Variants in PPP1R12A observed in about 807,000 individuals in gnomAD.
The protein encoded by PPP1R12A is protein phosphatase 1 regulatory subunit 12A.
In PPP1R12A, 19 loss-of-function variants were observed where a neutral mutation model predicts 139.6. That is an observed-to-expected ratio of 0.14 (90% CI 0.09 to 0.20). The LOEUF (loss-of-function observed/expected upper bound fraction) is 0.20, where lower values mean the gene tolerates loss of function less well. Among genes scored for constraint, PPP1R12A ranks in the 10% least tolerant of loss-of-function variants. The pLI is 1.00. For missense variants in PPP1R12A, 925 were observed against 1,211.5 expected (o/e 0.76, Z 3.51); for synonymous variants, 427 against 420.6 (o/e 1.02, Z -0.19).
At chr12:79,860,151 G>A (rs1322929980) in intron 2 of PPP1R12A, among the ~76,000 whole-genome samples, 1 of 152,178 alleles carries the variant, frequency 6.6e-6, no homozygotes, top group Non-Finnish European at 1.5e-5. Flanking sequence ...AGTATTTGTA[G>A]TGGAAGCCTA....
At chr12:79,864,703 A>G (rs1359437621) in intron 2 of PPP1R12A, among the ~76,000 whole-genome samples, 2 of 152,218 alleles carry the variant, frequency 1.3e-5, no homozygotes, top group Non-Finnish European at 2.9e-5. Context: ...CTTCTATGCA[A>G]ATAAACTAGA....
chr12:79,796,940 C>T lies in PPP1R12A; in HGVS notation c.2303G>A (p.Arg768His), dbSNP rs556820145. 25 of 1,608,002 alleles carry T rather than the reference C, an allele frequency of 1.6e-5. No individual in the cohort carries two copies. Among genetic ancestry groups the T allele is most frequent in the South Asian group, 1.1e-4 (10 of 89,552 alleles). ...YSRTYDETYQ[R>H]YRPVSTSSST... Reference sequence around the variant, plus strand: ...ACTTGAAGTTGATACTGGCCTATAACGCTGGTAAGTCTGTGAAACATTAAG... The same window carrying T: ...ACTTGAAGTTGATACTGGCCTATAATGCTGGTAAGTCTGTGAAACATTAAG... The change falls in exon 17 of 25, where the codon CGT becomes CAT. Residue 768 changes from arginine (R) to histidine (H), a missense_variant. Coordinates refer to ENST00000450142, the MANE Select transcript of PPP1R12A (RefSeq NM_002480.3).
intron 1 of PPP1R12A, among the ~76,000 whole-genome samples, chr12:79,880,453 T>C (rs1883530855): frequency 6.6e-6 from 1 of 152,176 alleles, no homozygotes; most frequent in South Asian, 2.1e-4. Flanking sequence ...TAAGGCTAAG[T>C]GGTAAAAGAT....
intron 19 of PPP1R12A, 56 bp downstream of exon 19, chr12:79,793,807 A>G: frequency 7.4e-7 from 1 of 1,353,056 alleles, no homozygotes; most frequent in Non-Finnish European, 1.0e-6. Flanking sequence ...ACGCAATTTA[A>G]AAGTAATTAT....
chr12:79,921,795 A>G (rs1252317275), intron 1 of PPP1R12A, among the ~76,000 whole-genome samples: 1 of 152,260 alleles, frequency 6.6e-6, no homozygotes, highest in Admixed American at 6.5e-5. Flanking sequence ...ATATTGTTTA[A>G]TATTTTAATA....
chr12:79,787,940 T>C (rs1871325334), intron 21 of PPP1R12A: 1 of 152,254 alleles, frequency 6.6e-6, no homozygotes, highest in African/African-American at 2.4e-5. Context: ...CTCCACTACA[T>C]GGAAAATGCC....
In PPP1R12A at chr12:79,809,885, A is replaced by G; in HGVS notation, c.1365T>C (p.Ser455=). The change falls in exon 10 of 25, where the codon TCT becomes TCC. Residue 455 remains serine, a synonymous_variant. Transcript: ENST00000450142. ...SYGALAEITA[S]KEGQKEKDTA... ...TATCTTTTTCTTTCTGACCCTCTTT[A>G]GATGCTGTGATTTCAGCAAGTGCAC... is the stretch of plus-strand genomic sequence containing the variant. 1 of 1,613,608 alleles carries G rather than the reference A, an allele frequency of 6.2e-7. No individual in the cohort carries two copies. The highest frequency in any genetic ancestry group is 8.5e-7 in the Non-Finnish European group (1 of 1,179,712).
chr12:79,857,856 C>T (rs948026617), intron 2 of PPP1R12A, among the ~76,000 whole-genome samples: 3 of 152,086 alleles, frequency 2.0e-5, no homozygotes, highest in Non-Finnish European at 4.4e-5. Context: ...GAATTTACGT[C>T]TCAAGAATGA....
At chr12:79,784,220 C>T (rs140521053) in intron 22 of PPP1R12A, among the ~76,000 whole-genome samples, 87 of 151,870 alleles carry the variant, frequency 5.7e-4, no homozygotes, top group African/African-American at 1.9e-3. Flanking sequence ...GAAAGTTGAA[C>T]CCCTGATTAA....
At chr12:79,798,672 G>T in intron 14 of PPP1R12A, 88 bp from the exon 15 acceptor site, 1 of 605,726 alleles carries the variant, frequency 1.7e-6, no homozygotes. Flanking sequence ...AAAACATACA[G>T]GTTTAATATC....
intron 2 of PPP1R12A, among the ~76,000 whole-genome samples, chr12:79,850,466 T>C (rs1033148324): frequency 7.2e-5 from 11 of 152,156 alleles, no homozygotes; most frequent in Non-Finnish European, 1.0e-4. Flanking sequence ...GAAAAGGAAA[T>C]AGCTATTTAA....
chr12:79,888,466 G>A (rs552649733), intron 1 of PPP1R12A, among the ~76,000 whole-genome samples: 4 of 152,264 alleles, frequency 2.6e-5, no homozygotes, highest in South Asian at 2.1e-4. Context: ...GAGGGCATGA[G>A]TATTTAAGAA....
At chr12:79,899,022 A>G (rs1885383660) in intron 1 of PPP1R12A, among the ~76,000 whole-genome samples, 1 of 152,114 alleles carries the variant, frequency 6.6e-6, no homozygotes, top group Non-Finnish European at 1.5e-5. Flanking sequence ...AGATTCTACT[A>G]TTAATATGCT....
At chr12:79,914,970 A>C (rs1035977017) in intron 1 of PPP1R12A, among the ~76,000 whole-genome samples, 3 of 152,062 alleles carry the variant, frequency 2.0e-5, no homozygotes, top group African/African-American at 4.8e-5. Context: ...GTTCTATGAG[A>C]TACTATAATC....
intron 3 of PPP1R12A, 179 bp from the exon 4 acceptor site, chr12:79,832,670 G>C: frequency 2.1e-6 from 1 of 470,330 alleles, no homozygotes; most frequent in Non-Finnish European, 3.5e-6. Flanking sequence ...TGTAGACCTT[G>C]TATTAACTTT....
At position 79,781,982 on chromosome 12, in the gene PPP1R12A, G is replaced by C. The variant is rs372850849; in HGVS notation, c.2908-120C>G. On this transcript the variant is annotated intron_variant, in intron 22 of 24. Transcript: ENST00000450142. ...TTCAAGTGGAGTAAAACACAGGTTC[G>C]TGAGTAAAGCAAAGAGAAAACAGGA... 7.9e-6 allele frequency: 4 copies of C among 504,642 alleles called. No individual in the cohort carries two copies. The East Asian group carries it at 9.8e-5, about 12-fold the overall frequency. 31.3% of individuals were successfully genotyped at this position (504,642 alleles called of 1,614,324 possible).
chr12:79,779,039 A>G, intron 23 of PPP1R12A: 1 of 250,986 alleles, frequency 4.0e-6, no homozygotes, highest in Non-Finnish European at 8.2e-6. Flanking sequence ...AGAGAAGCTC[A>G]TTTCCTCCAC....
At position 79,807,239 on chromosome 12, in the gene PPP1R12A, T is replaced by C. The variant is rs61743758; in HGVS notation, c.1642A>G (p.Thr548Ala). The change falls in exon 12 of 25, where the codon ACG (threonine) becomes GCG (alanine). Residue 548 changes from threonine to alanine, a missense_variant. Thr to Ala is a moderately conservative substitution (Grantham distance 58). Around this residue, in one of 4 missense-constraint regions of PPP1R12A, gnomAD observed 403 missense variants for 463.7 expected, o/e 0.87. Coordinates refer to ENST00000450142, the MANE Select transcript of PPP1R12A (RefSeq NM_002480.3). ...KKNSSVNEGSTYHKSCSFGRR... is the reference protein window; with the variant it reads ...KKNSSVNEGSAYHKSCSFGRR... ...TAGTATTATTACCTTTTATGATACGTTGATCCTTCATTAACTGAGCTATTT... is the reference window on the plus strand; with the variant it reads ...TAGTATTATTACCTTTTATGATACGCTGATCCTTCATTAACTGAGCTATTT... 1.2e-3 allele frequency: 1,816 copies of C among 1,529,670 alleles called. 14 individuals carry two copies. The African/African-American group carries it at 0.022, about 18-fold the overall frequency. 94.8% of individuals were successfully genotyped at this position (1,529,670 alleles called of 1,614,324 possible). A position where few individuals can be genotyped will look rare whatever the true frequency, so the allele number is the denominator to read the frequency against.
intron 23 of PPP1R12A, chr12:79,779,025 T>G (rs948923796): frequency 2.4e-5 from 6 of 251,274 alleles, no homozygotes; most frequent in Non-Finnish European, 4.1e-5. Context: ...TTCAGAGGAA[T>G]GTAAGAGAAG....
Sources: gnomAD v4.1 joint callset for allele counts (sites outside exome capture counted in the v4.1 genomes callset) on GRCh38, gnomAD v4.1.1 for gene constraint, gnomAD v4.1.1 regional missense constraint, MANE v1.5 for transcripts, NCBI Gene and HGNC (gene_info 2026-07-23, HGNC 2026-07-21) for gene names.